Variants in GRM5 observed in about 807,000 individuals in gnomAD.
GRM5 encodes the protein metabotropic glutamate receptor 5.
GRM5 carries 19 observed loss-of-function variants against 83.1 expected under a neutral mutation model. The observed-to-expected ratio is 0.23, with a 90% CI of 0.16 to 0.34. The LOEUF (loss-of-function observed/expected upper bound fraction) is 0.34. GRM5 is among the 10% of genes least tolerant of loss of function. The pLI, the probability that GRM5 is intolerant of heterozygous loss-of-function variation, is 1.00. For synonymous variants in GRM5, 675 were observed against 633.6 expected, an observed-to-expected ratio of 1.07 and a Z score of -0.98; for missense variants, 1,160 against 1,588.3, an observed-to-expected ratio of 0.73 and a Z score of 4.58.
At chr11:88,698,642 A>G (rs1467271390) in intron 3 of GRM5, among the ~76,000 whole-genome samples, 4 of 152,160 alleles carry the variant, frequency 2.6e-5, no homozygotes, top group Non-Finnish European at 5.9e-5. Flanking sequence ...CCTAGAAGTA[A>G]CAGAGACCAC....
At chr11:88,753,129 C>T (rs532610427) in intron 3 of GRM5, among the ~76,000 whole-genome samples, 2 of 152,226 alleles carry the variant, frequency 1.3e-5, no homozygotes, top group African/African-American at 4.8e-5. Flanking sequence ...AACTAAAGAG[C>T]TTCTTCAGAG....
At chr11:88,654,334 T>C (rs538840642) in intron 3 of GRM5, among the ~76,000 whole-genome samples, 1 of 152,210 alleles carries the variant, frequency 6.6e-6, no homozygotes, top group South Asian at 2.1e-4. Context: ...AAAAGATGTT[T>C]GTATACAATT....
At chr11:88,918,436 A>G (rs1945632581) in intron 2 of GRM5, among the ~76,000 whole-genome samples, 1 of 151,870 alleles carries the variant, frequency 6.6e-6, no homozygotes, top group Non-Finnish European at 1.5e-5. Context: ...TATAATAATA[A>G]TAAATAAATT....
chr11:88,509,212 C>T lies in GRM5; in HGVS notation c.3019G>A (p.Glu1007Lys). ...CGCGCGGGCGCCGGGAAGTGCTCCT[C>T]AGCCTCGGCCACATCATACAGCGCC... is the stretch of plus-strand genomic sequence containing the variant. ...PKALYDVAEA[E>K]EHFPAPARPR... is the part of the protein sequence containing the mutation. The change falls in exon 10 of 10, where the codon GAG becomes AAG. Residue 1007 changes from glutamate (E) to lysine (K), a missense_variant. Glu to Lys is a moderately conservative substitution (Grantham distance 56). Transcript: ENST00000305447. The T allele has an allele frequency of 1.3e-6, 2 of 1,531,644 alleles. No homozygotes were observed. The highest frequency in any genetic ancestry group is 1.2e-5 in the South Asian group (1 of 82,640). The allele number at this position is 1,531,644 out of a possible 1,614,324, so 94.9% of individuals were successfully genotyped here.
At chr11:89,018,728 C>T (rs1940915072) in intron 2 of GRM5, among the ~76,000 whole-genome samples, 1 of 151,982 alleles carries the variant, frequency 6.6e-6, no homozygotes, top group Admixed American at 6.6e-5. Flanking sequence ...TATAGGATTA[C>T]ATAAAAGGTT....
At chr11:88,993,403 C>G (rs1323804420) in intron 2 of GRM5, among the ~76,000 whole-genome samples, 1 of 151,992 alleles carries the variant, frequency 6.6e-6, no homozygotes, top group African/African-American at 2.4e-5. Flanking sequence ...GATTAGTTGA[C>G]CATATATGTG....
intron 3 of GRM5, among the ~76,000 whole-genome samples, chr11:88,832,899 T>A (rs1944021015): frequency 6.6e-6 from 1 of 151,888 alleles, no homozygotes; most frequent in Admixed American, 6.6e-5. Flanking sequence ...GTGCTGGGAG[T>A]ATTTGATATC....
chr11:88,968,987 T>C (rs1939081246), intron 2 of GRM5, among the ~76,000 whole-genome samples: 1 of 152,112 alleles, frequency 6.6e-6, no homozygotes, highest in Admixed American at 6.6e-5. Flanking sequence ...GTGGAAGGTG[T>C]ATTATAGACA....
chr11:88,638,667 T>C (rs755380354), intron 4 of GRM5, among the ~76,000 whole-genome samples: 70 of 152,248 alleles, frequency 4.6e-4, no homozygotes, highest in Non-Finnish European at 7.9e-4. Context: ...TTAACAAATA[T>C]AGGACCATTC....
chr11:89,008,768 C>A (rs114378486), intron 2 of GRM5, among the ~76,000 whole-genome samples: 238 of 152,206 alleles, frequency 1.6e-3, no homozygotes, highest in African/African-American at 4.9e-3. Context: ...TCACATTACA[C>A]TACAAATACG....
rs1941138012 is a variant in GRM5, at chr11:88,504,727, T to C, written c.*3865A>G. On this transcript the variant is annotated 3_prime_UTR_variant, in exon 10 of 10. Transcript: ENST00000305447. ...CAAGTACAAAGCAAAACAATGCTGA[T>C]AAAAATGTTAAACTTTATGAAAAAA... The C allele has an allele frequency of 6.6e-6, 1 of 152,074 alleles. No individual in the cohort carries two copies. Among genetic ancestry groups the C allele is most frequent in the Non-Finnish European group, 1.5e-5 (1 of 67,962 alleles). The allele number at this position is 152,074 out of a possible 1,614,324, so 9.4% of individuals were successfully genotyped here.
rs547068200 is a variant in GRM5, at chr11:88,736,000, A to ACTT, written c.912-82600_912-82598dup. On this transcript the variant is annotated intron_variant, in intron 3 of 9. Transcript: ENST00000305447. Reference sequence around the variant, plus strand: ...ATGATTGTTCTCCCAGAGTTACAACACTTCTGAGCACTCTCGAAGTTAGAC... The same window carrying ACTT: ...ATGATTGTTCTCCCAGAGTTACAACACTTCTTCTGAGCACTCTCGAAGTTAGAC... Among the ~76,000 whole-genome samples the ACTT allele has an allele frequency of 2.0e-3, 305 of 152,178 alleles. 2 individuals are homozygous for ACTT. Among genetic ancestry groups the ACTT allele is most frequent in the African/African-American group, 6.7e-3 (280 of 41,560 alleles).
intron 2 of GRM5, among the ~76,000 whole-genome samples, chr11:88,909,262 G>A (rs577155188): frequency 6.2e-4 from 95 of 152,112 alleles, no homozygotes; most frequent in African/African-American, 1.8e-3. Context: ...ACATTTAACA[G>A]CAATCTAAAA....
intron 2 of GRM5, among the ~76,000 whole-genome samples, chr11:88,907,717 G>GT (rs1264773362): frequency 6.6e-6 from 1 of 152,086 alleles, no homozygotes; most frequent in South Asian, 2.1e-4. Context: ...CAGGTTTGTT[G>GT]TTTACTAGCT....
rs533037293 is a variant in GRM5 at position 88,917,252 on chromosome 11, T to C, written c.662-67097A>G. On this transcript the variant is annotated intron_variant, in intron 2 of 9. Transcript: ENST00000305447. ...GAAGATCACCAAGGTGGCACCTGTA[T>C]GAGTCAGCAAGACTTAAAGTGTTAC... 6.9e-4 allele frequency among the ~76,000 whole-genome samples: 105 copies of C among 152,334 alleles called. 1 individual carries two copies. Among genetic ancestry groups the C allele is most frequent in the African/African-American group, 2.2e-3 (92 of 41,588 alleles).
At chr11:88,720,653 C>T (rs905725017) in intron 3 of GRM5, among the ~76,000 whole-genome samples, 1 of 152,012 alleles carries the variant, frequency 6.6e-6, no homozygotes, top group Non-Finnish European at 1.5e-5. Context: ...TTCAGCTTAT[C>T]CAAAATGAAC....
chr11:88,744,250 A>G (rs529379598), intron 3 of GRM5, among the ~76,000 whole-genome samples: 12 of 152,206 alleles, frequency 7.9e-5, no homozygotes, highest in Non-Finnish European at 1.8e-4. Context: ...CCAGAGGGAA[A>G]AAATGACAGG....
chr11:88,745,200 T>TTA lies in GRM5; in HGVS notation c.912-91798_912-91797insTA, dbSNP rs1319696486. 8.4e-5 allele frequency among the ~76,000 whole-genome samples: 12 copies of TTA among 143,526 alleles called. 1 individual carries two copies. The highest frequency in any genetic ancestry group is 3.4e-4 in the African/African-American group (12 of 35,122). 94.2% of individuals were successfully genotyped at this position (143,526 alleles called of 152,430 possible). On this transcript the variant is annotated intron_variant, in intron 3 of 9. Coordinates refer to ENST00000305447, the MANE Select transcript of GRM5 (RefSeq NM_001143831.3). ...AATTTTTTTTTCTTTTTATTTTTCT[T>TTA]TTTTTTTTTTTCTGAGACAGAATCT...
chr11:88,700,430 T>A (rs992560198), intron 3 of GRM5, among the ~76,000 whole-genome samples: 1 of 152,148 alleles, frequency 6.6e-6, no homozygotes, highest in African/African-American at 2.4e-5. Context: ...TTACTGCCAC[T>A]TTCAAAACTA....
Sources: gnomAD v4.1 joint callset for allele counts (sites outside exome capture counted in the v4.1 genomes callset) on GRCh38, gnomAD v4.1.1 for gene constraint, MANE v1.5 for transcripts, NCBI Gene and HGNC (gene_info 2026-07-23, HGNC 2026-07-21) for gene names.